The following L3MBTL1 variants were observed in gnomAD, a reference collection of about 807,000 sequenced individuals.
The protein encoded by L3MBTL1 is lethal(3)malignant brain tumor-like protein 1.
In L3MBTL1, 75 loss-of-function variants were observed where a neutral mutation model predicts 105.3. The observed-to-expected ratio is 0.71, with a 90% CI of 0.59 to 0.86. The LOEUF (loss-of-function observed/expected upper bound fraction) is 0.86. Ranked by LOEUF, L3MBTL1 falls within the 40% of genes least tolerant of loss-of-function variation. The pLI, the probability that L3MBTL1 is intolerant of heterozygous loss-of-function variation, is 0.00. For missense variants in L3MBTL1, 1,069 were observed against 1,126.4 expected, an observed-to-expected ratio of 0.95 and a Z score of 0.73; for synonymous variants, 452 against 436.2, an observed-to-expected ratio of 1.04 and a Z score of -0.45.
intron 21 of L3MBTL1, 32 bp downstream of exon 21, chr20:43,540,847 C>T: frequency 6.2e-7 from 1 of 1,612,224 alleles, no homozygotes; most frequent in South Asian, 1.1e-5. Context: ...GGAGACAGAG[C>T]CGGGGTCACT....
Position 43,547,193 on chromosome 20 carries a change from C to T in L3MBTL1, c.2125-918C>T, listed in dbSNP as rs1458550981. ...GATCTCGGCTCACTGCAAGCTCCGC[C>T]TCCCGGGTTCACGCCATTCTCCTGC... On this transcript the variant is annotated intron_variant, in intron 18 of 18. Coordinates refer to the L3MBTL1 transcript ENST00000422861. Among the ~76,000 whole-genome samples, 3 of 151,244 alleles carry T rather than the reference C, an allele frequency of 2.0e-5. No homozygotes were observed. The East Asian group carries it at 5.8e-4, about 29-fold the overall frequency.
chr20:43,539,719 G>A (rs77670849), intron 19 of L3MBTL1: 5,061 of 256,816 alleles, frequency 0.02, 198 homozygotes, highest in African/African-American at 0.085. Flanking sequence ...AAAGTTGGTC[G>A]TGGCCCGGAA....
Position 43,530,907 on chromosome 20 carries a change from A to ACATCCACTCTCACTCAG in L3MBTL1, c.1284+18_1284+19insCATCCACTCTCACTCAG. ...AGAGCCACGTGAGTGCCCCTGAGTG[A>ACATCCACTCTCACTCAG]GAGTGGATGTCACTCCCATGTGCCA... On this transcript the variant is annotated intron_variant, in intron 11 of 21. Transcript: ENST00000418998. 1 of 1,601,370 alleles carries ACATCCACTCTCACTCAG rather than the reference A, an allele frequency of 6.2e-7. No homozygotes were observed. Among genetic ancestry groups the ACATCCACTCTCACTCAG allele is most frequent in the Non-Finnish European group, 8.5e-7 (1 of 1,171,138 alleles).
chr20:43,529,086 A>T (rs1002733252), intron 8 of L3MBTL1, 178 bp from the exon 9 acceptor site: 11 of 615,660 alleles, frequency 1.8e-5, no homozygotes, highest in Non-Finnish European at 3.2e-5. Context: ...TTTTCAAGGG[A>T]CCTGGGAGAT....
chr20:43,548,253 A>G (rs895924548), exon 19 of L3MBTL1: 2 of 1,302,618 alleles, frequency 1.5e-6, no homozygotes, highest in Admixed American at 2.3e-5. Flanking sequence ...TGACTGGCCC[A>G]GGGCTGGGCC....
At position 43,534,892 on chromosome 20, in the gene L3MBTL1, A is replaced by C. The variant is rs760594805; in HGVS notation, c.1775A>C (p.His592Pro). The change falls in exon 16 of 22, where the codon CAC becomes CCC. Residue 592 changes from histidine to proline, a missense_variant. Physicochemically the swap from His to Pro is moderately conservative, Grantham distance 77. Coordinates refer to ENST00000418998, the MANE Select transcript of L3MBTL1 (RefSeq NM_001377303.1). ...FWIDADHPDI[H>P]PAGWCSKTGH... ...ATCGACGCTGACCACCCAGACATCC[A>C]CCCTGCCGGCTGGTGCTCCAAGACA... 1 of 1,607,220 alleles carries C rather than the reference A, an allele frequency of 6.2e-7. No homozygotes were observed. Among genetic ancestry groups the C allele is most frequent in the South Asian group, 1.1e-5 (1 of 90,840 alleles).
At chr20:43,543,830 T>A (rs1445064531), downstream of L3MBTL1, among the ~76,000 whole-genome samples, 1 of 152,242 alleles carries the variant, frequency 6.6e-6, no homozygotes, top group Non-Finnish European at 1.5e-5. Context: ...CTAAAAGTAG[T>A]CTGTCCAGTC....
chr20:43,536,093 C>G lies in L3MBTL1; in HGVS notation c.1926-4C>G. The G allele has an allele frequency of 6.2e-7, 1 of 1,612,778 alleles. No homozygotes were observed. Among genetic ancestry groups the G allele is most frequent in the Non-Finnish European group, 8.5e-7 (1 of 1,179,982 alleles). ...AAACCCAACTGAAGTCTCTTCTTCC[C>G]CAGGAAGTGCCCCACTCCTGGTTGC... is the stretch of plus-strand genomic sequence containing the variant. On this transcript the variant is annotated splice_polypyrimidine_tract_variant and splice_region_variant and intron_variant, in intron 17 of 21. Transcript: ENST00000418998.
At chr20:43,530,711 G>C in intron 10 of L3MBTL1, 87 bp from the exon 11 acceptor site, 1 of 1,267,188 alleles carries the variant, frequency 7.9e-7, no homozygotes, top group South Asian at 1.2e-5. Context: ...CCTCAGGCAT[G>C]CCTGATTCTG....
intron 1 of L3MBTL1, among the ~76,000 whole-genome samples, chr20:43,510,363 A>G (rs1320285963): frequency 1.3e-5 from 2 of 151,444 alleles, no homozygotes; most frequent in African/African-American, 4.9e-5. Flanking sequence ...TGGAATTGAA[A>G]TTCAGGGAAT....
chr20:43,520,693 C>A (rs1000384666), intron 7 of L3MBTL1, among the ~76,000 whole-genome samples: 5 of 152,088 alleles, frequency 3.3e-5, no homozygotes, highest in African/African-American at 1.2e-4. Flanking sequence ...TATATATTTT[C>A]TTTGGAGAAA....
chr20:43,525,113 T>C (rs67821796), intron 7 of L3MBTL1, among the ~76,000 whole-genome samples: 15,780 of 135,522 alleles, frequency 0.12, 1,034 homozygotes, highest in East Asian at 0.35. Flanking sequence ...TCCTGGGGAG[T>C]TAAAAAAAAA....
chr20:43,544,612 G>T (rs551510616), downstream of L3MBTL1, among the ~76,000 whole-genome samples: 1 of 152,300 alleles, frequency 6.6e-6, no homozygotes, highest in East Asian at 1.9e-4. Flanking sequence ...GTTACCGTGG[G>T]TGAGAAATCT....
chr20:43,534,759 G>T, intron 15 of L3MBTL1, 69 bp from the exon 16 acceptor site: 1 of 1,118,880 alleles, frequency 8.9e-7, no homozygotes, highest in South Asian at 1.3e-5. Context: ...CCAGGGATGG[G>T]GAGAGGACCT....
At position 43,513,838 on chromosome 20, in the gene L3MBTL1, C is replaced by T; in HGVS notation, c.137C>T (p.Ala46Val). The T allele has an allele frequency of 6.4e-7, 1 of 1,550,602 alleles. No homozygotes were observed. Among genetic ancestry groups the T allele is most frequent in the Non-Finnish European group, 8.7e-7 (1 of 1,146,966 alleles). The change falls in exon 3 of 22, where the codon GCC becomes GTC. Residue 46 changes from alanine to valine, a missense_variant and splice_region_variant. Physicochemically the swap from Ala to Val is moderately conservative, Grantham distance 64. Transcript: ENST00000418998. ...HLPATAFIIP[A>V]SSATLGLPSS... The stretch of plus-strand genomic sequence containing the variant: ...TGTCTATTTGTATATCTGTTTACAG[C>T]CAGTTCGGCCACCCTCGGCCTGCCC...
chr20:43,540,188 G>A lies in L3MBTL1; in HGVS notation c.2211G>A (p.Met737Ile). The stretch of plus-strand genomic sequence containing the variant: ...ATGTCGTGCACCAGTCCCTCTTCAT[G>A]TCAGCCCTGTCGGCCCACCCTGACC... The part of the protein sequence containing the change: ...TPDVVHQSLF[M>I]SALSAHPDRS... The change falls in exon 20 of 22, where the codon ATG becomes ATA. Residue 737 changes from methionine to isoleucine, a missense_variant. Met to Ile is a conservative substitution (Grantham distance 10). Transcript: ENST00000418998. 3 of 1,613,326 alleles carry A rather than the reference G, an allele frequency of 1.9e-6. No homozygotes were observed. Among genetic ancestry groups the A allele is most frequent in the South Asian group, 2.2e-5 (2 of 91,086 alleles).
At chr20:43,543,129 A>G (rs186731188), downstream of L3MBTL1, among the ~76,000 whole-genome samples, 8 of 151,156 alleles carry the variant, frequency 5.3e-5, no homozygotes, top group Admixed American at 5.3e-4. Context: ...TAATAACCTC[A>G]TGTAAAACTT....
intron 4 of L3MBTL1, 80 bp from the exon 5 acceptor site, chr20:43,514,929 C>A: frequency 6.5e-7 from 1 of 1,535,574 alleles, no homozygotes; most frequent in Non-Finnish European, 8.8e-7. Flanking sequence ...GAGGCGGAGG[C>A]AGGGCCTGAG....
At chr20:43,545,909 A>G (rs1176229183), downstream of L3MBTL1, among the ~76,000 whole-genome samples, 1 of 152,168 alleles carries the variant, frequency 6.6e-6, no homozygotes, top group Non-Finnish European at 1.5e-5. Flanking sequence ...GCCTCCGTTT[A>G]ACCTCTAAGG....
Sources: allele counts gnomAD v4.1 joint callset (sites outside exome capture counted in the v4.1 genomes callset), GRCh38; gene constraint gnomAD v4.1.1; transcripts MANE v1.5; gene names NCBI Gene and HGNC (gene_info 2026-07-23, HGNC 2026-07-21).